The following GNAI1 variants were observed in gnomAD, a reference collection of about 807,000 sequenced individuals.
GNAI1 encodes the protein G protein subunit alpha i1, also known as guanine nucleotide-binding protein G(i) subunit alpha-1.
GNAI1 carries 11 observed loss-of-function variants against 38.9 expected under a neutral mutation model. The observed-to-expected ratio is 0.28, with a 90% CI of 0.18 to 0.47. The LOEUF (loss-of-function observed/expected upper bound fraction) is 0.47, where lower values mean the gene tolerates loss of function less well. GNAI1 is among the 20% of genes least tolerant of loss of function. The pLI is 0.99. For missense variants in GNAI1, 317 were observed against 436.9 expected, an observed-to-expected ratio of 0.73 and a Z score of 2.45; for synonymous variants, 166 against 145.1, an observed-to-expected ratio of 1.14 and a Z score of -1.04.
In GNAI1 at chr7:80,217,431, GT is replaced by G; in HGVS notation, c.1008del (p.Phe336LeufsTer4). The G allele has an allele frequency of 1.2e-6, 2 of 1,610,410 alleles. No individual in the cohort carries two copies. Among genetic ancestry groups the G allele is most frequent in the Non-Finnish European group, 1.7e-6 (2 of 1,177,858 alleles). On this transcript the variant is annotated frameshift_variant, in exon 8 of 8. Transcript: ENST00000649796. LOFTEE classifies it high-confidence loss of function. ...CACAGATACTAAGAATGTGCAGTTT[GT>G]TTTTGATGCTGTAACAGATGTCATC... is the stretch of plus-strand genomic sequence containing the variant. ...CATDTKNVQF[V>X]FDAVTDVIIK...
chr7:80,164,104 G>A (rs1787971915), intron 1 of GNAI1, among the ~76,000 whole-genome samples: 1 of 147,420 alleles, frequency 6.8e-6, no homozygotes, highest in South Asian at 2.2e-4. Flanking sequence ...GAGTGCAGTG[G>A]CGTGATCTTG....
At chr7:80,137,806 T>C (rs1787452482) in intron 1 of GNAI1, among the ~76,000 whole-genome samples, 1 of 152,184 alleles carries the variant, frequency 6.6e-6, no homozygotes, top group African/African-American at 2.4e-5. Context: ...CTCTGTCTTA[T>C]CCCCGTTCTA....
rs551578610 is a variant in GNAI1 at position 80,178,407 on chromosome 7, C to A, written c.119-10544C>A. ...AGTGTTACTCAAAGAGCATCACATGCTGCAGAAAAATCTTTCTTGAAAGGT... is the reference window on the plus strand; with the variant it reads ...AGTGTTACTCAAAGAGCATCACATGATGCAGAAAAATCTTTCTTGAAAGGT... On this transcript the variant is annotated intron_variant, in intron 1 of 7. Transcript: ENST00000649796. Among the ~76,000 whole-genome samples, 12 of 152,234 alleles carry A rather than the reference C, an allele frequency of 7.9e-5. No individual in the cohort carries two copies. In the East Asian group the frequency reaches 2.1e-3, roughly 27 times the overall value.
chr7:80,219,825 A>G lies in GNAI1; in HGVS notation c.*2332A>G, dbSNP rs1789040947. On this transcript the variant is annotated 3_prime_UTR_variant, in exon 8 of 8. Transcript: ENST00000649796. Reference sequence around the variant, plus strand: ...TGCTGCACCTATCAACCTGTCATCTAAGTTTTAAGCCCTGCATGCATTAGG... The same window carrying G: ...TGCTGCACCTATCAACCTGTCATCTGAGTTTTAAGCCCTGCATGCATTAGG... 6.6e-6 allele frequency among the ~76,000 whole-genome samples: 1 copy of G among 152,004 alleles called. No homozygotes were observed. Among genetic ancestry groups the G allele is most frequent in the African/African-American group, 2.4e-5 (1 of 41,324 alleles).
At chr7:80,152,365 C>G (rs1057287334) in intron 1 of GNAI1, among the ~76,000 whole-genome samples, 1 of 152,088 alleles carries the variant, frequency 6.6e-6, no homozygotes. Flanking sequence ...ACAATTATAT[C>G]TTATGTTGCA....
intron 1 of GNAI1, chr7:80,135,802 C>T (rs919741963): frequency 1.0e-6 from 1 of 985,580 alleles, no homozygotes; most frequent in Non-Finnish European, 1.2e-6. Flanking sequence ...GCTGAAGCGT[C>T]TTTCCTGTTA....
At chr7:80,161,993 A>G (rs140502488) in intron 1 of GNAI1, among the ~76,000 whole-genome samples, 212 of 152,192 alleles carry the variant, frequency 1.4e-3, no homozygotes, top group Admixed American at 2.6e-3. Context: ...TGTGGACTGA[A>G]TGTGTCCCTC....
In GNAI1 at chr7:80,135,096, C is replaced by A. The variant is rs1002281253; in HGVS notation, c.-65C>A. 2.7e-6 allele frequency: 3 copies of A among 1,118,616 alleles called. No individual in the cohort carries two copies. The highest frequency in any genetic ancestry group is 3.7e-6 in the Non-Finnish European group (3 of 812,672). 69.3% of individuals were successfully genotyped at this position (1,118,616 alleles called of 1,614,324 possible). A position where few individuals can be genotyped will look rare whatever the true frequency, so the allele number is the denominator to read the frequency against. On this transcript the variant is annotated 5_prime_UTR_variant, in exon 1 of 8. Coordinates refer to ENST00000649796, the MANE Select transcript of GNAI1 (RefSeq NM_002069.6). ...CGCCCGCTAGGAGAGAGAAAGGATT[C>A]CCCTGTGCTTGGAGCCCGCACTCGG...
At chr7:80,152,717 T>C (rs545831897) in intron 1 of GNAI1, among the ~76,000 whole-genome samples, 1 of 151,830 alleles carries the variant, frequency 6.6e-6, no homozygotes, top group Non-Finnish European at 1.5e-5. Context: ...CCTGCCACCA[T>C]GCCTGGCTAA....
intron 1 of GNAI1, among the ~76,000 whole-genome samples, chr7:80,174,159 CAT>C: frequency 6.6e-6 from 1 of 152,214 alleles, no homozygotes; most frequent in South Asian, 2.1e-4. Context: ...CAACTTAAAT[CAT>C]AGAGATACCA....
chr7:80,142,432 T>C (rs1392679327), intron 1 of GNAI1, among the ~76,000 whole-genome samples: 1 of 152,240 alleles, frequency 6.6e-6, no homozygotes, highest in African/African-American at 2.4e-5. Flanking sequence ...ACATTTTTCC[T>C]GATCATCCAG....
Position 80,222,554 on chromosome 7 carries a change from A to AT in GNAI1, c.*5062dup, listed in dbSNP as rs1169078432. 4.6e-5 allele frequency among the ~76,000 whole-genome samples: 7 copies of AT among 151,566 alleles called. No individual in the cohort carries two copies. The highest frequency in any genetic ancestry group is 4.6e-4 in the Admixed American group (7 of 15,214). On this transcript the variant is annotated 3_prime_UTR_variant, in exon 8 of 8. Transcript: ENST00000649796. ...AGGCATGCGACACTACACCCAACTAATCTTGTATTTTTAGTAGAGACGGGG... is the reference window on the plus strand; with the variant it reads ...AGGCATGCGACACTACACCCAACTAATTCTTGTATTTTTAGTAGAGACGGGG...
rs769214378 is a variant in GNAI1 at position 80,221,067 on chromosome 7, CATT to C, written c.*3579_*3581del. On this transcript the variant is annotated 3_prime_UTR_variant, in exon 8 of 8. Coordinates refer to ENST00000649796, the MANE Select transcript of GNAI1 (RefSeq NM_002069.6). Reference sequence around the variant, plus strand: ...AAATGAATTTAGTTGATACTGTAATCATTATTACAGATGGTAGCATCATCATTG... The same window carrying C: ...AAATGAATTTAGTTGATACTGTAATCATTACAGATGGTAGCATCATCATTG... 2.0e-5 allele frequency among the ~76,000 whole-genome samples: 3 copies of C among 152,114 alleles called. No homozygotes were observed. The highest frequency in any genetic ancestry group is 4.4e-5 in the Non-Finnish European group (3 of 68,024).
chr7:80,143,066 C>A (rs972522306), intron 1 of GNAI1, among the ~76,000 whole-genome samples: 1 of 152,180 alleles, frequency 6.6e-6, no homozygotes, highest in Non-Finnish European at 1.5e-5. Context: ...AGCCAGCAGG[C>A]TGCTCAGAGG....
At position 80,219,675 on chromosome 7, in the gene GNAI1, C is replaced by T. The variant is rs1014982576; in HGVS notation, c.*2182C>T. Among the ~76,000 whole-genome samples the T allele has an allele frequency of 6.6e-6, 1 of 152,136 alleles. No homozygotes were observed. The highest frequency in any genetic ancestry group is 2.4e-5 in the African/African-American group (1 of 41,438). On this transcript the variant is annotated 3_prime_UTR_variant, in exon 8 of 8. Transcript: ENST00000649796. Reference sequence around the variant, plus strand: ...ACACCAGTTCTCACCCTGACTTTGCCATTTTTCCTTACTAAGTACCATCAT... The same window carrying T: ...ACACCAGTTCTCACCCTGACTTTGCTATTTTTCCTTACTAAGTACCATCAT...
chr7:80,210,942 A>AT, intron 5 of GNAI1, 27 bp from the exon 6 acceptor site: 2 of 1,603,364 alleles, frequency 1.2e-6, no homozygotes, highest in Non-Finnish European at 1.7e-6. Flanking sequence ...ATTTAATGTG[A>AT]TGTTAACTCA....
intron 4 of GNAI1, among the ~76,000 whole-genome samples, chr7:80,200,454 T>G (rs867628385): frequency 2.6e-5 from 4 of 152,124 alleles, no homozygotes; most frequent in African/African-American, 7.2e-5. Flanking sequence ...ATGATATGTA[T>G]TGCTCTTAAA....
At chr7:80,148,279 A>T (rs1225349388) in intron 1 of GNAI1, among the ~76,000 whole-genome samples, 4 of 152,168 alleles carry the variant, frequency 2.6e-5, no homozygotes, top group African/African-American at 9.7e-5. Context: ...ATTCTCTGGA[A>T]GGTTGTCAAC....
At chr7:80,200,349 C>CAAAAA (rs1788662418) in intron 4 of GNAI1, among the ~76,000 whole-genome samples, 13 of 44,318 alleles carry the variant, frequency 2.9e-4, no homozygotes, top group Admixed American at 4.1e-4. Flanking sequence ...AAAAAAAAAC[C>CAAAAA]TAATCAGGGA....
Sources: gnomAD v4.1 joint callset for allele counts (sites outside exome capture counted in the v4.1 genomes callset) on GRCh38, gnomAD v4.1.1 for gene constraint, MANE v1.5 for transcripts, NCBI Gene and HGNC (gene_info 2026-07-23, HGNC 2026-07-21) for gene names.